The following ZFAND2A variants were observed in gnomAD, a reference collection of about 807,000 sequenced individuals.
ZFAND2A encodes the protein AN1-type zinc finger protein 2A.
In ZFAND2A, 20 loss-of-function variants were observed where a neutral mutation model predicts 11.6. The observed-to-expected ratio is 1.72, with a 90% CI of 1.21 to 2.50. ZFAND2A has a LOEUF of 2.50. Ranked by LOEUF, ZFAND2A falls within the 30% of genes most tolerant of loss-of-function variation. ZFAND2A has a pLI of 0.00. For synonymous variants in ZFAND2A, 93 were observed against 60.6 expected (o/e 1.54, Z -2.48); for missense variants, 234 against 182.9 (o/e 1.28, Z -1.61).
chr7:1,155,907 T>C (rs1793514974), intron 3 of ZFAND2A, among the ~76,000 whole-genome samples: 1 of 152,194 alleles, frequency 6.6e-6, no homozygotes. Flanking sequence ...AGGGAGGAGA[T>C]GGAGGGAAAC....
chr7:1,153,094 C>T lies in ZFAND2A; in HGVS notation c.413G>A (p.Ser138Asn). ...HPLDHSCRHG[S>N]RPTIKAG is the part of the protein sequence containing the mutation. ...TCACCCAGCTTTGATGGTGGGGCGA[C>T]TCCCGTGTCTGCAGCTGTGGTCCAA... The change falls in exon 5 of 5, where the codon AGT (serine) becomes AAT (asparagine). Residue 138 changes from serine to asparagine, a missense_variant. Coordinates refer to ENST00000316495, the MANE Select transcript of ZFAND2A (RefSeq NM_182491.4). 1.9e-6 allele frequency: 3 copies of T among 1,614,158 alleles called. No homozygotes were observed. Among genetic ancestry groups the T allele is most frequent in the Non-Finnish European group, 2.5e-6 (3 of 1,180,032 alleles).
At position 1,156,160 on chromosome 7, in the gene ZFAND2A, T is replaced by A. The variant is rs12702434; in HGVS notation, c.151-576A>T. Among the ~76,000 whole-genome samples, 131 of 29,534 alleles carry A rather than the reference T, an allele frequency of 4.4e-3. 22 individuals are homozygous for A. Among genetic ancestry groups the A allele is most frequent in the African/African-American group, 0.021 (116 of 5,462 alleles). 19.4% of individuals were successfully genotyped at this position (29,534 alleles called of 152,430 possible). ...AGCTGGGGGCTCCGAAGGGGTGGAC[T>A]GCCCAGCAGCTGAAGGCCCAGCAAG... On this transcript the variant is annotated intron_variant, in intron 3 of 4. Coordinates refer to ENST00000316495, the MANE Select transcript of ZFAND2A (RefSeq NM_182491.4).
chr7:1,158,110 T>C (rs201927513), intron 2 of ZFAND2A, 48 bp downstream of exon 2: 1 of 1,571,792 alleles, frequency 6.4e-7, no homozygotes, highest in Admixed American at 1.7e-5. Context: ...CAGCCAGCTT[T>C]CCCCCAACAA....
chr7:1,151,832 C>G (rs1354353550), downstream of ZFAND2A, among the ~76,000 whole-genome samples: 3 of 148,982 alleles, frequency 2.0e-5, no homozygotes, highest in East Asian at 3.9e-4. Context: ...GGAGGTGCTG[C>G]TGGGCCATTA....
chr7:1,155,159 A>C (rs1352942709), intron 4 of ZFAND2A, among the ~76,000 whole-genome samples: 1 of 152,160 alleles, frequency 6.6e-6, no homozygotes, highest in Non-Finnish European at 1.5e-5. Flanking sequence ...AATGAAACGC[A>C]CATGAACAGA....
rs975119541 is a variant in ZFAND2A, at chr7:1,160,031, C to T, written c.-113G>A. 3 of 154,234 alleles carry T rather than the reference C, an allele frequency of 1.9e-5. No individual in the cohort carries two copies. The highest frequency in any genetic ancestry group is 4.8e-5 in the African/African-American group (2 of 41,474). 9.6% of individuals were successfully genotyped at this position (154,234 alleles called of 1,614,324 possible). On this transcript the variant is annotated 5_prime_UTR_variant, in exon 1 of 5. Transcript: ENST00000316495. ...ATGGAAGAGACGTAAACTCAGGTGT[C>T]CTCCTCCGTAGTCGGCTCCGGGTAG...
At chr7:1,155,177 T>C (rs745867669) in intron 4 of ZFAND2A, among the ~76,000 whole-genome samples, 3 of 152,104 alleles carry the variant, frequency 2.0e-5, no homozygotes, top group Non-Finnish European at 4.4e-5. Flanking sequence ...AGAATGGATC[T>C]AGAAAGCCAT....
chr7:1,150,871 C>G (rs1271141496), downstream of ZFAND2A, among the ~76,000 whole-genome samples: 1 of 149,846 alleles, frequency 6.7e-6, no homozygotes, highest in African/African-American at 2.5e-5. Context: ...GGCTTGCTGG[C>G]TGCTGACAAC....
At chr7:1,157,576 C>T (rs774967390) in intron 3 of ZFAND2A, 80 bp downstream of exon 3, 172 of 1,340,236 alleles carry the variant, frequency 1.3e-4, no homozygotes, top group Middle Eastern at 1.8e-4. Context: ...AGCCATACGT[C>T]GCTAGTCCCT....
chr7:1,157,215 G>C (rs575147285), intron 3 of ZFAND2A: 2 of 153,202 alleles, frequency 1.3e-5, no homozygotes, highest in Non-Finnish European at 2.9e-5. Flanking sequence ...ACTATGTCAA[G>C]GCTGCAGTTA....
intron 4 of ZFAND2A, among the ~76,000 whole-genome samples, chr7:1,153,944 A>T (rs759858054): frequency 6.6e-6 from 1 of 151,410 alleles, no homozygotes; most frequent in Non-Finnish European, 1.5e-5. Flanking sequence ...TCGTCCCTTT[A>T]AAAAGAAAGA....
downstream of ZFAND2A, chr7:1,152,344 C>T: frequency 3.2e-6 from 5 of 1,565,358 alleles, no homozygotes; most frequent in Non-Finnish European, 4.3e-6. Context: ...TGGGTGAGCA[C>T]CTACAGAGAG....
intron 3 of ZFAND2A, among the ~76,000 whole-genome samples, chr7:1,156,014 C>A (rs528337055): frequency 2.7e-4 from 41 of 152,364 alleles, no homozygotes; most frequent in South Asian, 1.0e-3. Flanking sequence ...GAGTTGCTTG[C>A]GCCCAGATGA....
chr7:1,152,337 G>A (rs778753327), downstream of ZFAND2A: 4 of 1,572,236 alleles, frequency 2.5e-6, no homozygotes, highest in Middle Eastern at 1.7e-4. Flanking sequence ...ACTGTCATGG[G>A]TGAGCACCTA....
intron 4 of ZFAND2A, among the ~76,000 whole-genome samples, chr7:1,155,108 G>C (rs999279502): frequency 2.0e-5 from 3 of 152,166 alleles, no homozygotes; most frequent in African/African-American, 7.2e-5. Context: ...CTGGGTGACA[G>C]AGCAAGACTG....
In ZFAND2A at chr7:1,158,753, G is replaced by A. The variant is rs1480706201; in HGVS notation, c.-45-496C>T. Reference sequence around the variant, plus strand: ...TATTCCTCGATGACATCAACCTGGAGTTGATCAGGGAGAAGCGCAAGCTGT... The same window carrying A: ...TATTCCTCGATGACATCAACCTGGAATTGATCAGGGAGAAGCGCAAGCTGT... On this transcript the variant is annotated intron_variant, in intron 1 of 4. Transcript: ENST00000316495. Among the ~76,000 whole-genome samples, 4 of 152,192 alleles carry A rather than the reference G, an allele frequency of 2.6e-5. No homozygotes were observed. The South Asian group carries it at 6.2e-4, about 24-fold the overall frequency.
At chr7:1,155,622 T>C (rs755367547) in intron 3 of ZFAND2A, 38 bp from the exon 4 acceptor site, 4 of 1,604,366 alleles carry the variant, frequency 2.5e-6, no homozygotes, top group East Asian at 4.5e-5. Context: ...CTGAGACTCA[T>C]GCAACTTAAA....
chr7:1,157,375 G>A (rs569581625), intron 3 of ZFAND2A: 1 of 259,576 alleles, frequency 3.9e-6, no homozygotes, highest in East Asian at 7.8e-5. Flanking sequence ...TCTAAAGTAA[G>A]CTTGGAACAT....
chr7:1,149,320 G>A (rs992534242), downstream of ZFAND2A, among the ~76,000 whole-genome samples: 1 of 152,162 alleles, frequency 6.6e-6, no homozygotes, highest in African/African-American at 2.4e-5. Flanking sequence ...CACAGCACAC[G>A]AGGCCAGAGG....
Sources: gnomAD v4.1 joint callset for allele counts (sites outside exome capture counted in the v4.1 genomes callset) on GRCh38, gnomAD v4.1.1 for gene constraint, MANE v1.5 for transcripts, NCBI Gene and HGNC (gene_info 2026-07-23, HGNC 2026-07-21) for gene names.